The following DPP10 variants were observed in gnomAD, a reference collection of about 807,000 sequenced individuals.
The protein encoded by DPP10 is dipeptidyl peptidase like 10, also known as inactive dipeptidyl peptidase 10.
DPP10 carries 33 observed loss-of-function variants against 120.9 expected under a neutral mutation model. The observed-to-expected ratio is 0.27, with a 90% CI of 0.21 to 0.37. The LOEUF (loss-of-function observed/expected upper bound fraction) is 0.37, where lower values mean the gene tolerates loss of function less well. DPP10 is among the 10% of genes least tolerant of loss of function. The pLI is 1.00. For missense variants in DPP10, 816 were observed against 942.8 expected (o/e 0.87, Z 1.76); for synonymous variants, 337 against 326.1 (o/e 1.03, Z -0.36).
At position 114,578,686 on chromosome 2, in the gene DPP10, A is replaced by G. The variant is rs368385932; in HGVS notation, c.60+135848A>G. Among the ~76,000 whole-genome samples the G allele has an allele frequency of 3.9e-5, 6 of 152,348 alleles. No individual in the cohort carries two copies. The South Asian group carries it at 6.2e-4, about 16-fold the overall frequency. On this transcript the variant is annotated intron_variant, in intron 1 of 25. Transcript: ENST00000410059. ...TCTCATAGAGATCAATTATAAATTG[A>G]GACGGTGTTCTGGATGCTTTAGTCA...
intron 1 of DPP10, among the ~76,000 whole-genome samples, chr2:114,902,510 T>C (rs932149445): frequency 6.6e-6 from 1 of 152,172 alleles, no homozygotes; most frequent in African/African-American, 2.4e-5. Context: ...GTTAAGAAAC[T>C]CCTCTCATGT....
intron 1 of DPP10, among the ~76,000 whole-genome samples, chr2:115,301,339 T>G (rs1324661057): frequency 4.6e-5 from 7 of 151,832 alleles, no homozygotes; most frequent in Non-Finnish European, 1.0e-4. Flanking sequence ...TTCATTTTCG[T>G]CTGAGAGCTC....
At chr2:115,222,388 T>C (rs2057217709) in intron 1 of DPP10, among the ~76,000 whole-genome samples, 1 of 152,102 alleles carries the variant, frequency 6.6e-6, no homozygotes. Context: ...TCTCACATGT[T>C]GGGAGGTAAT....
chr2:114,679,181 C>A (rs970488328), intron 1 of DPP10, among the ~76,000 whole-genome samples: 2 of 151,954 alleles, frequency 1.3e-5, no homozygotes, highest in Non-Finnish European at 2.9e-5. Flanking sequence ...ACACCTCAAA[C>A]AAGATTTCAA....
At chr2:115,553,475 G>T (rs2080006069) in intron 5 of DPP10, among the ~76,000 whole-genome samples, 1 of 151,856 alleles carries the variant, frequency 6.6e-6, no homozygotes, top group Non-Finnish European at 1.5e-5. Context: ...CTCAAAAAAT[G>T]TGAAACTTTT....
At chr2:114,838,883 T>C (rs1389422096) in intron 1 of DPP10, among the ~76,000 whole-genome samples, 2 of 152,218 alleles carry the variant, frequency 1.3e-5, no homozygotes, top group Non-Finnish European at 2.9e-5. Context: ...TAACCTCTCC[T>C]CATCTGTCTT....
At chr2:115,228,606 C>T (rs1221879715) in intron 1 of DPP10, among the ~76,000 whole-genome samples, 1 of 152,004 alleles carries the variant, frequency 6.6e-6, no homozygotes, top group African/African-American at 2.4e-5. Context: ...TTAGTTTCCA[C>T]AAATAAGTAA....
intron 1 of DPP10, among the ~76,000 whole-genome samples, chr2:115,300,842 G>C (rs982722672): frequency 2.0e-5 from 3 of 151,910 alleles, no homozygotes; most frequent in African/African-American, 7.2e-5. Context: ...TTTAAGGTTG[G>C]TTTCCAGAGA....
At chr2:115,609,367 A>C (rs1195725900) in intron 5 of DPP10, among the ~76,000 whole-genome samples, 1 of 152,080 alleles carries the variant, frequency 6.6e-6, no homozygotes, top group African/African-American at 2.4e-5. Flanking sequence ...ATCACAAAGA[A>C]AGTTGATATG....
intron 5 of DPP10, among the ~76,000 whole-genome samples, chr2:115,526,930 T>G (rs2078167578): frequency 6.6e-6 from 1 of 152,160 alleles, no homozygotes; most frequent in African/African-American, 2.4e-5. Context: ...GTATAGATGT[T>G]GGCCTGTTGT....
chr2:115,534,488 A>G (rs1234845367), intron 5 of DPP10, among the ~76,000 whole-genome samples: 40 of 151,354 alleles, frequency 2.6e-4, no homozygotes, highest in Non-Finnish European at 5.0e-4. Context: ...TATGTGCCAC[A>G]TTTTCTTAAT....
intron 1 of DPP10, among the ~76,000 whole-genome samples, chr2:115,006,071 T>A (rs183096123): frequency 0.044 from 6,624 of 152,152 alleles, 218 homozygotes; most frequent in Non-Finnish European, 0.065. Flanking sequence ...TTCAACATTC[T>A]TAAAGAAAAG....
chr2:115,322,203 C>T (rs1299496246), intron 2 of DPP10, among the ~76,000 whole-genome samples: 2 of 152,000 alleles, frequency 1.3e-5, no homozygotes, highest in Admixed American at 6.6e-5. Flanking sequence ...TTGTTTCTTG[C>T]TGTAGGCTGT....
chr2:115,294,194 A>T (rs1379199243), intron 1 of DPP10, among the ~76,000 whole-genome samples: 1 of 152,088 alleles, frequency 6.6e-6, no homozygotes. Context: ...TGGGAGCCTC[A>T]TTGAATCATT....
chr2:114,859,646 C>A (rs1225164119), intron 1 of DPP10, among the ~76,000 whole-genome samples: 1 of 152,152 alleles, frequency 6.6e-6, no homozygotes, highest in Non-Finnish European at 1.5e-5. Flanking sequence ...CCACAGTACA[C>A]AAATATGCAT....
At position 115,575,385 on chromosome 2, in the gene DPP10, G is replaced by A. The variant is rs900338577; in HGVS notation, c.441+49413G>A. ...AAAAGGATTTCAAGTGTGAGGAGTC[G>A]TTCTCCTCTGGAGATATTTCACAGG... On this transcript the variant is annotated intron_variant, in intron 5 of 25. Coordinates refer to ENST00000410059, the MANE Select transcript of DPP10 (RefSeq NM_020868.6). 3.9e-5 allele frequency among the ~76,000 whole-genome samples: 6 copies of A among 152,178 alleles called. No homozygotes were observed. In the East Asian group the frequency reaches 7.7e-4, roughly 20 times the overall value.
At chr2:114,570,013 A>C (rs767766181) in intron 1 of DPP10, among the ~76,000 whole-genome samples, 17 of 152,162 alleles carry the variant, frequency 1.1e-4, no homozygotes, top group Non-Finnish European at 2.2e-4. Context: ...TAAAATAGTA[A>C]AACTAGTCTC....
chr2:114,805,815 A>T (rs1447814361), intron 1 of DPP10, among the ~76,000 whole-genome samples: 1 of 152,182 alleles, frequency 6.6e-6, no homozygotes, highest in Non-Finnish European at 1.5e-5. Context: ...TTGACCTGAA[A>T]GTGACACATT....
At chr2:115,135,244 A>T (rs1469455529) in intron 1 of DPP10, among the ~76,000 whole-genome samples, 1 of 9,106 alleles carries the variant, frequency 1.1e-4, no homozygotes, top group African/African-American at 1.9e-4. Context: ...CCCTTGAGAT[A>T]TATATATATA....
Sources: allele counts gnomAD v4.1 joint callset (sites outside exome capture counted in the v4.1 genomes callset), GRCh38; gene constraint gnomAD v4.1.1; transcripts MANE v1.5; gene names NCBI Gene and HGNC (gene_info 2026-07-23, HGNC 2026-07-21).